The following RUNDC3B variants were observed in gnomAD, a reference collection of about 807,000 sequenced individuals.
The protein encoded by RUNDC3B is RUN domain containing 3B.
RUNDC3B carries 33 observed loss-of-function variants against 58.4 expected under a neutral mutation model. The observed-to-expected ratio is 0.56, with a 90% CI of 0.43 to 0.75. The LOEUF (loss-of-function observed/expected upper bound fraction) is 0.75, where lower values mean the gene tolerates loss of function less well. Ranked by LOEUF, RUNDC3B falls within the 30% of genes least tolerant of loss-of-function variation. The pLI, the probability that RUNDC3B is intolerant of heterozygous loss-of-function variation, is 0.00. For missense variants in RUNDC3B, 501 were observed against 535.7 expected, an observed-to-expected ratio of 0.94 and a Z score of 0.64; for synonymous variants, 193 against 195.2, an observed-to-expected ratio of 0.99 and a Z score of 0.10.
At chr7:87,647,101 A>T (rs1202987267) in intron 1 of RUNDC3B, among the ~76,000 whole-genome samples, 1 of 152,180 alleles carries the variant, frequency 6.6e-6, no homozygotes, top group Non-Finnish European at 1.5e-5. Flanking sequence ...CCATTATCCC[A>T]TATATATGTA....
chr7:87,712,096 G>A (rs563770146), intron 4 of RUNDC3B, among the ~76,000 whole-genome samples: 1 of 151,966 alleles, frequency 6.6e-6, no homozygotes, highest in East Asian at 1.9e-4. Flanking sequence ...ATCTTTATTG[G>A]TAATATAATA....
At chr7:87,771,099 A>G (rs1171147535) in intron 7 of RUNDC3B, among the ~76,000 whole-genome samples, 1 of 152,188 alleles carries the variant, frequency 6.6e-6, no homozygotes, top group Non-Finnish European at 1.5e-5. Flanking sequence ...TGAAAATTAG[A>G]TATTTTAGCA....
intron 1 of RUNDC3B, among the ~76,000 whole-genome samples, chr7:87,643,517 C>A (rs1042540101): frequency 1.2e-4 from 18 of 151,824 alleles, no homozygotes; most frequent in Non-Finnish European, 2.7e-4. Context: ...TTTGAGAATT[C>A]TTTTTTGGGT....
At chr7:87,675,590 T>G (rs761240802) in intron 2 of RUNDC3B, among the ~76,000 whole-genome samples, 8 of 118,352 alleles carry the variant, frequency 6.8e-5, no homozygotes, top group South Asian at 2.5e-4. Flanking sequence ...ACACCAAGAG[T>G]ACACAATAGG....
At chr7:87,681,639 G>A in intron 2 of RUNDC3B, among the ~76,000 whole-genome samples, 1 of 150,580 alleles carries the variant, frequency 6.6e-6, no homozygotes, top group Non-Finnish European at 1.5e-5. Flanking sequence ...TGCTGGTGGA[G>A]GGTCTTGCCT....
At chr7:87,745,820 G>A (rs1226535753) in intron 6 of RUNDC3B, among the ~76,000 whole-genome samples, 1 of 151,686 alleles carries the variant, frequency 6.6e-6, no homozygotes, top group Non-Finnish European at 1.5e-5. Context: ...TCTGATCTTG[G>A]TGATTTTCTT....
At chr7:87,752,204 C>T (rs1833048789) in intron 6 of RUNDC3B, among the ~76,000 whole-genome samples, 1 of 152,152 alleles carries the variant, frequency 6.6e-6, no homozygotes, top group Admixed American at 6.5e-5. Flanking sequence ...TGGAACCAGC[C>T]TTGCATCCCA....
intron 9 of RUNDC3B, among the ~76,000 whole-genome samples, chr7:87,811,339 ATTT>A (rs199840492): frequency 6.9e-6 from 1 of 143,972 alleles, no homozygotes; most frequent in Admixed American, 6.9e-5. Context: ...TAGGCTTTTA[ATTT>A]TTTTTTTTTT....
At chr7:87,774,836 A>T (rs1390283457) in intron 7 of RUNDC3B, among the ~76,000 whole-genome samples, 2 of 152,196 alleles carry the variant, frequency 1.3e-5, no homozygotes, top group Admixed American at 1.3e-4. Flanking sequence ...AAAAATTCCT[A>T]TCACTTAGTG....
chr7:87,693,893 A>T lies in RUNDC3B; in HGVS notation c.239-6528A>T, dbSNP rs903933905. 1.4e-6 allele frequency: 2 copies of T among 1,462,362 alleles called. No individual in the cohort carries two copies. Among genetic ancestry groups the T allele is most frequent in the Non-Finnish European group, 1.9e-6 (2 of 1,071,434 alleles). The allele number at this position is 1,462,362 out of a possible 1,614,324, so 90.6% of individuals were successfully genotyped here. A position where few individuals can be genotyped will look rare whatever the true frequency, so the allele number is the denominator to read the frequency against. On this transcript the variant is annotated intron_variant, in intron 2 of 10. Transcript: ENST00000394654. ...TAAATATCTGTGTGTTGTTGTTGTT[A>T]TTTTTTTTTTAAAGAGATTTCCCAA...
chr7:87,682,529 A>G (rs1341553561), intron 2 of RUNDC3B, among the ~76,000 whole-genome samples: 1 of 152,360 alleles, frequency 6.6e-6, no homozygotes, highest in African/African-American at 2.4e-5. Flanking sequence ...GTTAGAAGCC[A>G]TGAAAACAAC....
chr7:87,673,739 C>T (rs541691222), intron 2 of RUNDC3B, among the ~76,000 whole-genome samples: 2 of 152,274 alleles, frequency 1.3e-5, no homozygotes, highest in South Asian at 2.1e-4. Context: ...TGGTTAAGAA[C>T]CATTGCTGGG....
intron 3 of RUNDC3B, among the ~76,000 whole-genome samples, chr7:87,705,637 G>A (rs1016358834): frequency 4.6e-5 from 7 of 152,258 alleles, no homozygotes; most frequent in South Asian, 4.1e-4. Flanking sequence ...TGGAACATGA[G>A]ACTTTTATTA....
At chr7:87,646,351 C>A (rs1823002429) in intron 1 of RUNDC3B, among the ~76,000 whole-genome samples, 1 of 152,090 alleles carries the variant, frequency 6.6e-6, no homozygotes, top group Non-Finnish European at 1.5e-5. Flanking sequence ...TCCTGGAGAA[C>A]ATAGTGACTA....
At chr7:87,811,365 C>CA (rs1393681829) in intron 9 of RUNDC3B, among the ~76,000 whole-genome samples, 123 of 150,178 alleles carry the variant, frequency 8.2e-4, no homozygotes, top group African/African-American at 3.0e-3. Flanking sequence ...AATGGAGTCT[C>CA]ACTCTGTCGC....
chr7:87,629,250 G>A (rs1425171725), intron 1 of RUNDC3B: 1 of 299,980 alleles, frequency 3.3e-6, no homozygotes, highest in South Asian at 1.6e-4. Flanking sequence ...AGGAGGGCAA[G>A]GAAGAAGAGC....
intron 6 of RUNDC3B, among the ~76,000 whole-genome samples, chr7:87,757,998 C>A (rs911221019): frequency 3.9e-5 from 6 of 152,108 alleles, no homozygotes; most frequent in Non-Finnish European, 2.9e-5. Context: ...TATACAAAAA[C>A]CAAATCAAAA....
intron 2 of RUNDC3B, among the ~76,000 whole-genome samples, chr7:87,677,308 C>T (rs1351965111): frequency 1.4e-5 from 2 of 146,978 alleles, no homozygotes; most frequent in Admixed American, 6.8e-5. Context: ...CACACACACA[C>T]ACCACAATGG....
At chr7:87,655,987 C>A (rs931765702) in intron 2 of RUNDC3B, among the ~76,000 whole-genome samples, 2 of 152,088 alleles carry the variant, frequency 1.3e-5, no homozygotes, top group African/African-American at 4.8e-5. Context: ...CAAGGTACCA[C>A]CTTGGAAGCA....
Sources: gnomAD v4.1 joint callset for allele counts (sites outside exome capture counted in the v4.1 genomes callset) on GRCh38, gnomAD v4.1.1 for gene constraint, MANE v1.5 for transcripts, NCBI Gene and HGNC (gene_info 2026-07-23, HGNC 2026-07-21) for gene names.